Variants in SPECC1 observed in about 807,000 individuals in gnomAD.
SPECC1 encodes sperm antigen with calponin homology and coiled-coil domains 1.
In SPECC1, 62 loss-of-function variants were observed where a neutral mutation model predicts 104.1. The observed-to-expected ratio is 0.60, with a 90% CI of 0.49 to 0.74. The LOEUF (loss-of-function observed/expected upper bound fraction) is 0.74. Among genes scored for constraint, SPECC1 ranks in the 30% least tolerant of loss-of-function variants. SPECC1 has a pLI of 0.00. For synonymous variants in SPECC1, 513 were observed against 501.6 expected (o/e 1.02, Z -0.30); for missense variants, 1,306 against 1,310.5 (o/e 1.00, Z 0.05).
At chr17:20,115,039 A>C (rs1223692635) in intron 3 of SPECC1, among the ~76,000 whole-genome samples, 1 of 152,228 alleles carries the variant, frequency 6.6e-6, no homozygotes, top group African/African-American at 2.4e-5. Context: ...AATAACCTAA[A>C]ACTGCAGAAG....
intron 3 of SPECC1, among the ~76,000 whole-genome samples, chr17:20,127,296 C>A (rs777681393): frequency 7.6e-4 from 116 of 152,282 alleles, no homozygotes; most frequent in African/African-American, 2.3e-3. Context: ...GCTGCTCCCC[C>A]TTTTATGATC....
At chr17:20,064,331 T>C (rs2152474312) in intron 1 of SPECC1, among the ~76,000 whole-genome samples, 1 of 152,374 alleles carries the variant, frequency 6.6e-6, no homozygotes, top group South Asian at 2.1e-4. Flanking sequence ...GGATTGACGA[T>C]GAGTCATTCT....
chr17:20,091,004 C>T (rs2047379565), intron 1 of SPECC1, among the ~76,000 whole-genome samples: 1 of 152,208 alleles, frequency 6.6e-6, no homozygotes, highest in African/African-American at 2.4e-5. Flanking sequence ...TCTTACTCCA[C>T]TATCAAAGTT....
chr17:20,196,966 A>C (rs1162008008), intron 3 of SPECC1, among the ~76,000 whole-genome samples: 1 of 152,230 alleles, frequency 6.6e-6, no homozygotes, highest in Non-Finnish European at 1.5e-5. Context: ...TTTTGCTTTC[A>C]AAATATTTGA....
rs183813346 is a variant in SPECC1, at chr17:20,315,957, C to T, written c.*1892C>T. The T allele has an allele frequency of 3.4e-5, 8 of 232,608 alleles. No individual in the cohort carries two copies. The highest frequency in any genetic ancestry group is 1.1e-4 in the Admixed American group (2 of 17,776). 14.4% of individuals were successfully genotyped at this position (232,608 alleles called of 1,614,324 possible). A position where few individuals can be genotyped will look rare whatever the true frequency, so the allele number is the denominator to read the frequency against. On this transcript the variant is annotated 3_prime_UTR_variant, in exon 15 of 15. Coordinates refer to ENST00000395527, the MANE Select transcript of SPECC1 (RefSeq NM_001243439.2). ...TCACATGTTTTGTAAGTTCTTTAGG[C>T]GACTGAAGCACAGCTGCTTGGAGAA...
intron 13 of SPECC1, among the ~76,000 whole-genome samples, chr17:20,300,706 C>T (rs1276187652): frequency 6.6e-6 from 1 of 152,278 alleles, no homozygotes; most frequent in Non-Finnish European, 1.5e-5. Flanking sequence ...CTGCCCAGGC[C>T]TCCCGCAGCC....
intron 1 of SPECC1, among the ~76,000 whole-genome samples, chr17:20,012,029 T>G (rs1264268211): frequency 1.3e-5 from 2 of 152,220 alleles, no homozygotes; most frequent in Non-Finnish European, 2.9e-5. Flanking sequence ...TTATTCTCCC[T>G]GTATTCTAGA....
chr17:20,163,529 T>G (rs1211675139), intron 3 of SPECC1, among the ~76,000 whole-genome samples: 1 of 152,156 alleles, frequency 6.6e-6, no homozygotes, highest in Non-Finnish European at 1.5e-5. Flanking sequence ...TTAAGTCCTC[T>G]TATATATTCC....
chr17:20,299,351 T>C (rs571851957), intron 13 of SPECC1, among the ~76,000 whole-genome samples: 27 of 151,580 alleles, frequency 1.8e-4, no homozygotes, highest in African/African-American at 6.6e-4. Context: ...CCCAGGAGTT[T>C]AAGACCAGCC....
chr17:20,021,138 T>C (rs1345842147), intron 1 of SPECC1, among the ~76,000 whole-genome samples: 1 of 151,990 alleles, frequency 6.6e-6, no homozygotes, highest in Non-Finnish European at 1.5e-5. Flanking sequence ...TCTTCATCCT[T>C]GTCATCTTCA....
At position 20,022,127 on chromosome 17, in the gene SPECC1, G is replaced by A. The variant is rs534765877; in HGVS notation, c.-22+12703G>A. Among the ~76,000 whole-genome samples, 5 of 150,798 alleles carry A rather than the reference G, an allele frequency of 3.3e-5. No homozygotes were observed. The South Asian group carries it at 1.1e-3, about 32-fold the overall frequency. On this transcript the variant is annotated intron_variant, in intron 1 of 14. Coordinates refer to ENST00000395527, the MANE Select transcript of SPECC1 (RefSeq NM_001243439.2). ...TGGCTAATTTTTTGTGTTTTCAGTA[G>A]AGACGGGGTTTCACCATGTTAGCCA...
chr17:20,236,744 C>T, intron 7 of SPECC1: 3 of 1,321,404 alleles, frequency 2.3e-6, no homozygotes, highest in Admixed American at 1.8e-5. Flanking sequence ...CTATCCTGGA[C>T]ATTAGCTTTT....
chr17:20,160,818 CA>C (rs1376866485), intron 3 of SPECC1, among the ~76,000 whole-genome samples: 4 of 152,284 alleles, frequency 2.6e-5, no homozygotes, highest in African/African-American at 9.6e-5. Flanking sequence ...TACTAACCTG[CA>C]CTATGAAAGT....
intron 13 of SPECC1, among the ~76,000 whole-genome samples, chr17:20,302,988 G>A (rs2041642458): frequency 6.7e-6 from 1 of 149,994 alleles, no homozygotes; most frequent in Admixed American, 6.6e-5. Context: ...TTTCTCGTTA[G>A]ACCTTACTAG....
chr17:20,149,854 G>C (rs899950241), intron 3 of SPECC1, among the ~76,000 whole-genome samples: 1 of 152,084 alleles, frequency 6.6e-6, no homozygotes, highest in African/African-American at 2.4e-5. Context: ...AAACAGTTTT[G>C]TTTTATAAAT....
At chr17:20,241,470 T>C (rs2039199439) in intron 7 of SPECC1, among the ~76,000 whole-genome samples, 1 of 152,106 alleles carries the variant, frequency 6.6e-6, no homozygotes, top group African/African-American at 2.4e-5. Flanking sequence ...TGGGGGACAT[T>C]AGTTGGGGTT....
chr17:20,086,141 G>A (rs1353062832), intron 1 of SPECC1, among the ~76,000 whole-genome samples: 2 of 152,136 alleles, frequency 1.3e-5, no homozygotes, highest in African/African-American at 2.4e-5. Flanking sequence ...TGCTGCCTCC[G>A]CCACCCTGGG....
intron 4 of SPECC1, among the ~76,000 whole-genome samples, chr17:20,225,284 G>A (rs1334091741): frequency 2.0e-5 from 3 of 152,140 alleles, no homozygotes; most frequent in Admixed American, 1.3e-4. Flanking sequence ...GTCTCACTGG[G>A]TCATGTGCAC....
intron 1 of SPECC1, among the ~76,000 whole-genome samples, chr17:20,029,781 T>TTCAAAA (rs1424873861): frequency 5.9e-5 from 9 of 152,268 alleles, no homozygotes; most frequent in Non-Finnish European, 1.3e-4. Flanking sequence ...TCTAGTAATT[T>TTCAAAA]GAGTCTTACC....
Sources: allele counts gnomAD v4.1 joint callset (sites outside exome capture counted in the v4.1 genomes callset), GRCh38; gene constraint gnomAD v4.1.1; transcripts MANE v1.5; gene names NCBI Gene and HGNC (gene_info 2026-07-23, HGNC 2026-07-21).